SLC26A5: variants seen among roughly 807,000 people sequenced by gnomAD.
The protein encoded by SLC26A5 is prestin.
In SLC26A5, 51 loss-of-function variants were observed where a neutral mutation model predicts 81.0. The observed-to-expected ratio is 0.63, with a 90% CI of 0.50 to 0.80. The LOEUF is 0.80. SLC26A5 is among the 30% of genes least tolerant of loss of function. The pLI, the probability that SLC26A5 is intolerant of heterozygous loss-of-function variation, is 0.00. For synonymous variants in SLC26A5, 325 were observed against 332.8 expected, an observed-to-expected ratio of 0.98 and a Z score of 0.25; for missense variants, 771 against 905.8, an observed-to-expected ratio of 0.85 and a Z score of 1.91.
At chr7:103,404,200 G>T (rs1823841381) in intron 8 of SLC26A5, among the ~76,000 whole-genome samples, 1 of 152,072 alleles carries the variant, frequency 6.6e-6, no homozygotes, top group South Asian at 2.1e-4. Context: ...AAAAAATATT[G>T]TTATGTGTGA....
At chr7:103,362,428 C>T (rs909410027) in intron 19 of SLC26A5, 4 of 1,353,018 alleles carry the variant, frequency 3.0e-6, no homozygotes, top group Non-Finnish European at 3.8e-6. Flanking sequence ...GAATACATAA[C>T]AACTCACTTA....
At chr7:103,404,373 G>C (rs1823858577) in intron 8 of SLC26A5, among the ~76,000 whole-genome samples, 1 of 152,122 alleles carries the variant, frequency 6.6e-6, no homozygotes, top group Admixed American at 6.5e-5. Context: ...TTGTAAGGCA[G>C]GCCTGGTGGT....
intron 15 of SLC26A5, 151 bp downstream of exon 15, chr7:103,380,329 T>C (rs866023975): frequency 1.6e-6 from 1 of 628,304 alleles, no homozygotes; most frequent in Non-Finnish European, 2.8e-6. Flanking sequence ...AATTATAAAA[T>C]TGAATCCATA....
In SLC26A5 at chr7:103,367,364, C is replaced by G; in HGVS notation, c.2041+9444G>C. Reference sequence around the variant, plus strand: ...TGGTACTTTCAGGTCATGCATAGTGCTACTCTTGAGTGGACTTGAAGAGCT... The same window carrying G: ...TGGTACTTTCAGGTCATGCATAGTGGTACTCTTGAGTGGACTTGAAGAGCT... On this transcript the variant is annotated intron_variant, in intron 19 of 19. Coordinates refer to the SLC26A5 transcript ENST00000339444. This position sits in a 1 kb window ranked among gnomAD's most constrained non-coding sequence, Gnocchi z 6.1. 2 of 1,578,626 alleles carry G rather than the reference C, an allele frequency of 1.3e-6. No homozygotes were observed. Among genetic ancestry groups the G allele is most frequent in the Non-Finnish European group, 8.7e-7 (1 of 1,149,938 alleles).
intron 14 of SLC26A5, among the ~76,000 whole-genome samples, chr7:103,383,190 G>A (rs1821928220): frequency 6.6e-6 from 1 of 152,172 alleles, no homozygotes. Flanking sequence ...TTGCAATTAT[G>A]AGAAAACCTC....
chr7:103,402,802 T>A (rs892492478), intron 8 of SLC26A5, among the ~76,000 whole-genome samples: 1 of 152,218 alleles, frequency 6.6e-6, no homozygotes, highest in Non-Finnish European at 1.5e-5. Context: ...CTATCTATTT[T>A]GTTAATCTTT....
rs750435602 is a variant in SLC26A5 at position 103,407,974 on chromosome 7, T to C, written c.765A>G (p.Lys255=). The change falls in exon 8 of 20, where the codon AAA becomes AAG. Residue 255 remains lysine, a synonymous_variant. Coordinates refer to ENST00000306312, the MANE Select transcript of SLC26A5 (RefSeq NM_198999.3). The part of the protein sequence containing the change: ...YSTVAVLQNV[K]NLNVCSLGVG... ...CGCCTAGGGAACACACGTTGAGGTT[T>C]TTAACATTCTGCAACACAGCAACTG... The C allele has an allele frequency of 6.8e-6, 11 of 1,614,034 alleles. No homozygotes were observed. The South Asian group carries it at 1.2e-4, about 18-fold the overall frequency.
chr7:103,357,819 C>A (rs1029729825), intron 19 of SLC26A5, among the ~76,000 whole-genome samples: 1 of 152,144 alleles, frequency 6.6e-6, no homozygotes, highest in Non-Finnish European at 1.5e-5. Flanking sequence ...CTCAACCTCC[C>A]ACTTTCTCTT....
downstream of SLC26A5, among the ~76,000 whole-genome samples, chr7:103,371,782 G>A (rs572677100): frequency 2.0e-5 from 3 of 146,344 alleles, no homozygotes; most frequent in South Asian, 4.4e-4. Context: ...TGCAACCTCC[G>A]CCTCCTGGGT....
At chr7:103,411,649 A>G in intron 5 of SLC26A5, 63 bp from the exon 6 acceptor site, 1 of 1,579,158 alleles carries the variant, frequency 6.3e-7, no homozygotes, top group Non-Finnish European at 8.7e-7. Context: ...GGTTTTTGCC[A>G]GTACACCAAG....
intron 5 of SLC26A5, 141 bp from the exon 6 acceptor site, chr7:103,411,727 CT>C (rs1403196395): frequency 5.4e-6 from 5 of 929,624 alleles, no homozygotes; most frequent in Non-Finnish European, 6.9e-6. Context: ...TGTCCTGCCC[CT>C]GGTGTATGAG....
At position 103,442,727 on chromosome 7, in the gene SLC26A5, A is replaced by T. The variant is rs142405060; in HGVS notation, c.-54+356T>A. Among the ~76,000 whole-genome samples, 832 of 152,320 alleles carry T rather than the reference A, an allele frequency of 5.5e-3. 8 individuals carry two copies. Among genetic ancestry groups the T allele is most frequent in the African/African-American group, 0.019 (798 of 41,562 alleles). On this transcript the variant is annotated intron_variant, in intron 2 of 19. Coordinates refer to ENST00000306312, the MANE Select transcript of SLC26A5 (RefSeq NM_198999.3). The stretch of plus-strand genomic sequence containing the variant: ...TAACCTGTGACTTGCCCAAGATCAT[A>T]TGCCTGGTTAGTGGCAGAGCTTGGC...
intron 10 of SLC26A5, among the ~76,000 whole-genome samples, chr7:103,391,993 T>C (rs1464752668): frequency 6.6e-6 from 1 of 152,212 alleles, no homozygotes; most frequent in African/African-American, 2.4e-5. Context: ...AAACACACCC[T>C]CTACATAAAT....
chr7:103,369,548 C>T (rs912294863), downstream of SLC26A5, among the ~76,000 whole-genome samples: 4 of 152,224 alleles, frequency 2.6e-5, no homozygotes, highest in Non-Finnish European at 5.9e-5. Flanking sequence ...ATCGGCCACA[C>T]ATCAAATGTA....
intron 14 of SLC26A5, among the ~76,000 whole-genome samples, chr7:103,382,284 T>C (rs976548481): frequency 1.3e-5 from 2 of 151,494 alleles, no homozygotes; most frequent in African/African-American, 4.9e-5. Context: ...CAAATTAGCA[T>C]AGATGTTAAC....
At chr7:103,362,166 G>C in intron 19 of SLC26A5, 1 of 1,579,852 alleles carries the variant, frequency 6.3e-7, no homozygotes, top group Non-Finnish European at 8.6e-7. Flanking sequence ...GCTTTGTAGT[G>C]AATAAATGGA....
At chr7:103,413,877 G>A (rs1459947940) in intron 4 of SLC26A5, among the ~76,000 whole-genome samples, 1 of 151,934 alleles carries the variant, frequency 6.6e-6, no homozygotes, top group African/African-American at 2.4e-5. Flanking sequence ...TACATTCCCT[G>A]CCCTTATGTA....
At chr7:103,362,100 A>G in intron 19 of SLC26A5, 1 of 1,612,060 alleles carries the variant, frequency 6.2e-7, no homozygotes, top group Non-Finnish European at 8.5e-7. Context: ...TAAGATTTCT[A>G]TTTACAATAA....
downstream of SLC26A5, among the ~76,000 whole-genome samples, chr7:103,372,497 G>T (rs1300976812): frequency 6.6e-6 from 1 of 152,220 alleles, no homozygotes. Flanking sequence ...GCTTTGATTT[G>T]TAGTGAGCTG....
Sources: allele counts gnomAD v4.1 joint callset (sites outside exome capture counted in the v4.1 genomes callset), GRCh38; gene constraint gnomAD v4.1.1; non-coding constraint Gnocchi (gnomAD v3.1); transcripts MANE v1.5; gene names NCBI Gene and HGNC (gene_info 2026-07-23, HGNC 2026-07-21).